The following SNTG2 variants were observed in gnomAD, a reference collection of about 807,000 sequenced individuals.
SNTG2 encodes gamma-2-syntrophin.
Under a neutral mutation model 70.9 loss-of-function variants are expected in SNTG2, and 74 were observed. The ratio of observed to expected loss-of-function variants is 1.04; its 90% confidence interval spans 0.86 to 1.27. The LOEUF (loss-of-function observed/expected upper bound fraction) is 1.27. Among genes scored for constraint, SNTG2 ranks in the 50% most tolerant of loss-of-function variants. The probability of loss-of-function intolerance (pLI) is 0.00; values close to 1 mark genes in which losing one functional copy is unlikely to be tolerated. For synonymous variants in SNTG2, 278 were observed against 273.8 expected (o/e 1.02, Z -0.15); for missense variants, 717 against 690.7 (o/e 1.04, Z -0.43).
chr2:1,353,719 CCCAGGA>C lies in SNTG2; in HGVS notation c.1489-13623_1489-13618del, dbSNP rs1198855375. On this transcript the variant is annotated intron_variant, in intron 16 of 16. Coordinates refer to ENST00000308624, the MANE Select transcript of SNTG2 (RefSeq NM_018968.4). The surrounding 1 kb of genome is among the most constrained non-coding windows in gnomAD (Gnocchi z 4.2). Reference sequence around the variant, plus strand: ...AGGTAATGATTGGGAAAACTAAGAACCCAGGATGGCTGCTCATCGGAGGGGCCAGTC... The same window carrying C: ...AGGTAATGATTGGGAAAACTAAGAACTGGCTGCTCATCGGAGGGGCCAGTC... 2 of 152,182 alleles carry C rather than the reference CCCAGGA, an allele frequency of 1.3e-5. No individual in the cohort carries two copies. The highest frequency in any genetic ancestry group is 2.9e-5 in the Non-Finnish European group (2 of 68,046). 9.4% of individuals were successfully genotyped at this position (152,182 alleles called of 1,614,324 possible). A position where few individuals can be genotyped will look rare whatever the true frequency, so the allele number is the denominator to read the frequency against.
chr2:1,055,377 T>A (rs556217048), intron 1 of SNTG2, among the ~76,000 whole-genome samples: 1 of 152,338 alleles, frequency 6.6e-6, no homozygotes, highest in African/African-American at 2.4e-5. Flanking sequence ...CGTTTTCTGA[T>A]GAGCCCACAC....
At chr2:1,049,613 C>T (rs764830154) in intron 1 of SNTG2, among the ~76,000 whole-genome samples, 2 of 152,176 alleles carry the variant, frequency 1.3e-5, no homozygotes, top group East Asian at 1.9e-4. Context: ...CATTTCTGTG[C>T]AGGCTTTTGT....
chr2:1,263,407 TAA>T (rs1206413247), intron 13 of SNTG2, among the ~76,000 whole-genome samples: 1 of 152,200 alleles, frequency 6.6e-6, no homozygotes, highest in Non-Finnish European at 1.5e-5. Context: ...AACATAGTAA[TAA>T]GTTTATCTTT....
In SNTG2 at chr2:1,014,442, CAG is replaced by C. The variant is rs1416467969; in HGVS notation, c.72+63380_72+63381del. The stretch of plus-strand genomic sequence containing the variant: ...TGCTCTGGAGAGGGATTTATATGGG[CAG>C]AGAGAAGGGTGGTCTGTAGAGGGAT... On this transcript the variant is annotated intron_variant, in intron 1 of 16. Transcript: ENST00000308624. Among the ~76,000 whole-genome samples, 2 of 91,912 alleles carry C rather than the reference CAG, an allele frequency of 2.2e-5. 1 individual carries two copies. The highest frequency in any genetic ancestry group is 5.0e-5 in the Non-Finnish European group (2 of 40,010). The allele number at this position is 91,912 out of a possible 152,430, so 60.3% of individuals were successfully genotyped here.
chr2:1,197,559 T>C (rs1223352329), intron 8 of SNTG2, among the ~76,000 whole-genome samples: 2 of 136,988 alleles, frequency 1.5e-5, no homozygotes, highest in Non-Finnish European at 3.2e-5. Context: ...GTATATTTGA[T>C]ACAGGTTCTC....
intron 16 of SNTG2, among the ~76,000 whole-genome samples, chr2:1,351,504 G>A (rs1270594953): frequency 1.3e-5 from 2 of 152,242 alleles, no homozygotes; most frequent in East Asian, 3.9e-4. Flanking sequence ...ACACTGCCAA[G>A]GAAGGTAGAT....
At chr2:1,109,507 AG>A (rs1666302743) in intron 4 of SNTG2, among the ~76,000 whole-genome samples, 1 of 152,172 alleles carries the variant, frequency 6.6e-6, no homozygotes, top group Non-Finnish European at 1.5e-5. Flanking sequence ...GAAATGGGCA[AG>A]GGACGCATGA....
intron 9 of SNTG2, among the ~76,000 whole-genome samples, chr2:1,226,842 G>A (rs1281080573): frequency 3.3e-5 from 5 of 152,156 alleles, no homozygotes; most frequent in Non-Finnish European, 7.4e-5. Context: ...GTTTCAAATT[G>A]ATTGTATTTT....
At chr2:1,076,132 A>G (rs1663900730) in intron 1 of SNTG2, among the ~76,000 whole-genome samples, 1 of 152,232 alleles carries the variant, frequency 6.6e-6, no homozygotes, top group Non-Finnish European at 1.5e-5. Context: ...TACCACCAGT[A>G]TACAGATGTA....
intron 1 of SNTG2, among the ~76,000 whole-genome samples, chr2:970,949 A>G (rs535665877): frequency 1.3e-3 from 192 of 152,348 alleles, no homozygotes; most frequent in African/African-American, 4.4e-3. Flanking sequence ...CCACAGTGAG[A>G]TATCATCTCA....
At chr2:1,306,927 G>A (rs141042057) in intron 14 of SNTG2, among the ~76,000 whole-genome samples, 6 of 151,942 alleles carry the variant, frequency 3.9e-5, no homozygotes, top group African/African-American at 2.4e-5. Context: ...TGTGTAAGCC[G>A]CATGCTGTGT....
chr2:1,347,847 C>T (rs932069772), intron 16 of SNTG2, among the ~76,000 whole-genome samples: 5 of 152,198 alleles, frequency 3.3e-5, no homozygotes, highest in African/African-American at 1.2e-4. Context: ...GTGCCCCTGC[C>T]CTGCTGCCTC....
intron 13 of SNTG2, among the ~76,000 whole-genome samples, chr2:1,260,720 T>A (rs1198565731): frequency 6.6e-6 from 1 of 152,246 alleles, no homozygotes; most frequent in Non-Finnish European, 1.5e-5. Flanking sequence ...AGCCTTATGT[T>A]AACATGAGCC....
intron 14 of SNTG2, among the ~76,000 whole-genome samples, chr2:1,281,340 G>GTTTATGGT: frequency 3.7e-5 from 2 of 53,508 alleles, no homozygotes; most frequent in African/African-American, 1.7e-4. Context: ...TGTGTGTGGT[G>GTTTATGGT]GTATGTGTGT....
intron 1 of SNTG2, among the ~76,000 whole-genome samples, chr2:1,079,757 G>T (rs1404943904): frequency 1.3e-5 from 2 of 152,160 alleles, no homozygotes; most frequent in African/African-American, 4.8e-5. Flanking sequence ...ACAATTAACC[G>T]GTAGCAATGG....
intron 15 of SNTG2, among the ~76,000 whole-genome samples, chr2:1,313,741 C>T (rs756910625): frequency 1.3e-5 from 2 of 152,160 alleles, no homozygotes; most frequent in Non-Finnish European, 2.9e-5. Context: ...AAGAGAGTCA[C>T]GCCTGCGCCC....
intron 12 of SNTG2, among the ~76,000 whole-genome samples, chr2:1,254,128 C>T (rs1235911362): frequency 2.6e-5 from 4 of 152,152 alleles, no homozygotes; most frequent in Non-Finnish European, 2.9e-5. Context: ...AGACCCCAAC[C>T]GTATCAGAAG....
intron 9 of SNTG2, among the ~76,000 whole-genome samples, chr2:1,229,598 G>T (rs967541116): frequency 2.0e-5 from 3 of 152,334 alleles, no homozygotes; most frequent in African/African-American, 4.8e-5. Flanking sequence ...CCGTGCGCTC[G>T]CATTCCTCAG....
chr2:1,242,666 C>G (rs1677126322), intron 11 of SNTG2: 1 of 152,066 alleles, frequency 6.6e-6, no homozygotes, highest in South Asian at 2.1e-4. Context: ...ATTGATGATG[C>G]CTTAATTGCC....
Sources: gnomAD v4.1 joint callset for allele counts (sites outside exome capture counted in the v4.1 genomes callset) on GRCh38, gnomAD v4.1.1 for gene constraint, Gnocchi (gnomAD v3.1) non-coding constraint, MANE v1.5 for transcripts, NCBI Gene and HGNC (gene_info 2026-07-23, HGNC 2026-07-21) for gene names.